MACROD2: variants seen among roughly 807,000 people sequenced by gnomAD.
The protein encoded by MACROD2 is mono-ADP ribosylhydrolase 2, also known as ADP-ribose glycohydrolase MACROD2.
A neutral mutation model predicts 70.4 loss-of-function variants in MACROD2; 36 were observed. The ratio of observed to expected loss-of-function variants is 0.51; its 90% CI spans 0.39 to 0.68. The LOEUF is 0.68. MACROD2 is among the 30% of genes least tolerant of loss of function. The pLI, the probability that MACROD2 is intolerant of heterozygous loss-of-function variation, is 0.00. For missense variants in MACROD2, 496 were observed against 538.4 expected (o/e 0.92, Z 0.78); for synonymous variants, 172 against 178.8 (o/e 0.96, Z 0.30).
chr20:14,472,877 T>C (rs968606542), intron 3 of MACROD2, among the ~76,000 whole-genome samples: 1 of 152,058 alleles, frequency 6.6e-6, no homozygotes, highest in Non-Finnish European at 1.5e-5. Context: ...TATGTGTGTA[T>C]GTAGGTGTGA....
At chr20:14,076,550 A>C (rs1164995867) in intron 2 of MACROD2, among the ~76,000 whole-genome samples, 1 of 151,898 alleles carries the variant, frequency 6.6e-6, no homozygotes, top group Non-Finnish European at 1.5e-5. Flanking sequence ...TTGGTAGTGC[A>C]TGTCTGTAGT....
intron 6 of MACROD2, among the ~76,000 whole-genome samples, chr20:15,288,859 GTCTGTCTGTCTA>G (rs1568695351): frequency 1.5e-5 from 2 of 129,766 alleles, no homozygotes; most frequent in African/African-American, 6.2e-5. Context: ...CTATATGTCT[GTCTGTCTGTCTA>G]TCTATCTATC....
intron 4 of MACROD2, chr20:14,523,559 G>A (rs1263209825): frequency 6.6e-6 from 1 of 152,076 alleles, no homozygotes; most frequent in Non-Finnish European, 1.5e-5. Flanking sequence ...CTTCACCTAG[G>A]GTTCCTGGGC....
intron 5 of MACROD2, among the ~76,000 whole-genome samples, chr20:14,916,339 A>G (rs887787161): frequency 1.3e-5 from 2 of 152,184 alleles, no homozygotes; most frequent in Non-Finnish European, 2.9e-5. Context: ...CAGAAATTCT[A>G]CAGGGTACGG....
At chr20:15,432,005 G>T (rs1212125931) in intron 7 of MACROD2, among the ~76,000 whole-genome samples, 1 of 151,890 alleles carries the variant, frequency 6.6e-6, no homozygotes, top group Non-Finnish European at 1.5e-5. Flanking sequence ...TTAATCACTT[G>T]CTTTCACTAG....
At chr20:14,717,774 G>T (rs908824311) in intron 5 of MACROD2, among the ~76,000 whole-genome samples, 2 of 151,972 alleles carry the variant, frequency 1.3e-5, no homozygotes, top group Non-Finnish European at 2.9e-5. Flanking sequence ...TACTTTCCTT[G>T]GTTCTCAGAA....
At chr20:15,247,751 G>T (rs185238527) in intron 6 of MACROD2, among the ~76,000 whole-genome samples, 25 of 151,772 alleles carry the variant, frequency 1.6e-4, no homozygotes, top group African/African-American at 5.1e-4. Context: ...AGGCTAGAAT[G>T]CAGTGACACA....
intron 8 of MACROD2, among the ~76,000 whole-genome samples, chr20:15,635,617 G>A (rs2049351728): frequency 6.6e-6 from 1 of 152,018 alleles, no homozygotes; most frequent in Non-Finnish European, 1.5e-5. Flanking sequence ...GGGAGCGAGG[G>A]TTAAAAAACT....
intron 4 of MACROD2, chr20:14,493,756 G>A (rs534566665): frequency 1.4e-4 from 47 of 346,724 alleles, no homozygotes; most frequent in Non-Finnish European, 2.2e-4. Context: ...GGCATAAGGT[G>A]TAACAGCTAT....
intron 8 of MACROD2, among the ~76,000 whole-genome samples, chr20:15,621,803 C>T (rs962601941): frequency 6.6e-6 from 1 of 152,192 alleles, no homozygotes; most frequent in Non-Finnish European, 1.5e-5. Context: ...ACATACCCCA[C>T]CAAGCCACGC....
chr20:14,370,188 A>C (rs1397571188), intron 3 of MACROD2, among the ~76,000 whole-genome samples: 2 of 152,188 alleles, frequency 1.3e-5, no homozygotes, highest in African/African-American at 4.8e-5. Context: ...GTAAGAAATA[A>C]TTTTGGATAA....
rs959993037 is a variant in MACROD2 at position 15,396,463 on chromosome 20, C to T, written c.541-34942C>T. Reference sequence around the variant, plus strand: ...CCTTAATACTGTAATTATGAAGAAGCAAGTCTTCTCTAAATCAGACATAGT... The same window carrying T: ...CCTTAATACTGTAATTATGAAGAAGTAAGTCTTCTCTAAATCAGACATAGT... On this transcript the variant is annotated intron_variant, in intron 6 of 17. Transcript: ENST00000684519. Among the ~76,000 whole-genome samples, 5 of 152,152 alleles carry T rather than the reference C, an allele frequency of 3.3e-5. 1 individual carries two copies. In the South Asian group the frequency reaches 6.2e-4, roughly 19 times the overall value.
intron 15 of MACROD2, among the ~76,000 whole-genome samples, chr20:16,003,731 C>T (rs2066747554): frequency 6.6e-6 from 1 of 152,160 alleles, no homozygotes; most frequent in East Asian, 1.9e-4. Flanking sequence ...AGTGCAGTGG[C>T]GTGATCTCAG....
chr20:15,592,404 A>G (rs1367132637), intron 8 of MACROD2, among the ~76,000 whole-genome samples: 2 of 152,206 alleles, frequency 1.3e-5, no homozygotes, highest in Admixed American at 6.5e-5. Flanking sequence ...GCTGACCTTG[A>G]TAGTAGAGGC....
intron 3 of MACROD2, among the ~76,000 whole-genome samples, chr20:14,229,818 A>C (rs184159975): frequency 2.0e-4 from 30 of 152,346 alleles, no homozygotes; most frequent in Non-Finnish European, 4.4e-4. Context: ...TTCAGTGGAA[A>C]AATGCATAGA....
intron 8 of MACROD2, among the ~76,000 whole-genome samples, chr20:15,578,133 A>G (rs1283844858): frequency 6.6e-6 from 1 of 152,166 alleles, no homozygotes; most frequent in Non-Finnish European, 1.5e-5. Flanking sequence ...GTTCATATTA[A>G]TCTGGAAAGT....
intron 13 of MACROD2, among the ~76,000 whole-genome samples, chr20:15,979,350 T>G (rs892914898): frequency 6.6e-6 from 1 of 152,134 alleles, no homozygotes; most frequent in African/African-American, 2.4e-5. Context: ...TCTGCTTGGT[T>G]GCAGTACACA....
chr20:14,193,530 G>A lies in MACROD2; in HGVS notation c.271+107802G>A, dbSNP rs937203439. The stretch of plus-strand genomic sequence containing the variant: ...GGTTAAGGGCACAAAACAATGGCTG[G>A]TGAGCCTCCTAGAGACCAGTATCAG... On this transcript the variant is annotated intron_variant, in intron 3 of 17. Coordinates refer to ENST00000684519, the MANE Select transcript of MACROD2 (RefSeq NM_001351661.2). 2.6e-5 allele frequency among the ~76,000 whole-genome samples: 4 copies of A among 152,252 alleles called. No homozygotes were observed. In the East Asian group the frequency reaches 5.8e-4, roughly 22 times the overall value.
chr20:15,450,167 A>G (rs1464487422), intron 7 of MACROD2, among the ~76,000 whole-genome samples: 1 of 152,134 alleles, frequency 6.6e-6, no homozygotes, highest in African/African-American at 2.4e-5. Flanking sequence ...TGTATATTAT[A>G]TATAGTATGT....
Sources: gnomAD v4.1 joint callset for allele counts (sites outside exome capture counted in the v4.1 genomes callset) on GRCh38, gnomAD v4.1.1 for gene constraint, MANE v1.5 for transcripts, NCBI Gene and HGNC (gene_info 2026-07-23, HGNC 2026-07-21) for gene names.